Variants in PDE4D observed in about 807,000 individuals in gnomAD.
PDE4D encodes phosphodiesterase 4D.
PDE4D carries 24 observed loss-of-function variants against 87.4 expected under a neutral mutation model. The observed-to-expected ratio is 0.27, with a 90% CI of 0.20 to 0.39. The LOEUF is 0.39. PDE4D is among the 10% of genes least tolerant of loss of function. The pLI, the probability that PDE4D is intolerant of heterozygous loss-of-function variation, is 1.00. For missense variants in PDE4D, 714 were observed against 1,041.0 expected, an observed-to-expected ratio of 0.69 and a Z score of 4.32; for synonymous variants, 384 against 383.2, an observed-to-expected ratio of 1.00 and a Z score of -0.02.
intron 1 of PDE4D, chr5:59,586,323 A>G: frequency 6.3e-7 from 1 of 1,588,838 alleles, no homozygotes; most frequent in South Asian, 1.1e-5. Context: ...AATATTGATT[A>G]CTCACCATAT....
At chr5:59,440,311 A>G (rs564985020) in intron 1 of PDE4D, among the ~76,000 whole-genome samples, 14 of 152,340 alleles carry the variant, frequency 9.2e-5, no homozygotes, top group African/African-American at 3.1e-4. Context: ...AGACCTTACT[A>G]ACTACCTTAA....
At chr5:59,665,048 GT>G (rs1419338007) in intron 1 of PDE4D, among the ~76,000 whole-genome samples, 1 of 152,104 alleles carries the variant, frequency 6.6e-6, no homozygotes, top group Admixed American at 6.5e-5. Flanking sequence ...GTAGTGACAT[GT>G]CCCCCTGAAA....
At position 59,069,512 on chromosome 5, in the gene PDE4D, CT is replaced by C. The variant is rs61429511; in HGVS notation, c.809-30542del. Among the ~76,000 whole-genome samples the C allele has an allele frequency of 2.5e-3, 360 of 142,442 alleles. 3 individuals carry two copies. Among genetic ancestry groups the C allele is most frequent in the African/African-American group, 5.6e-3 (215 of 38,732 alleles). 93.4% of individuals were successfully genotyped at this position (142,442 alleles called of 152,430 possible). A position where few individuals can be genotyped will look rare whatever the true frequency, so the allele number is the denominator to read the frequency against. On this transcript the variant is annotated intron_variant, in intron 5 of 14. Transcript: ENST00000340635. ...GTAGACTCTCTTATGGAACAAGAAGCTTTTTTTTTTTTTTCCCTAATCCCGT... is the reference window on the plus strand; with the variant it reads ...GTAGACTCTCTTATGGAACAAGAAGCTTTTTTTTTTTTTCCCTAATCCCGT...
intron 1 of PDE4D, among the ~76,000 whole-genome samples, chr5:59,582,971 G>A (rs1356151211): frequency 1.3e-5 from 2 of 152,064 alleles, no homozygotes; most frequent in African/African-American, 4.8e-5. Context: ...GCCCTCCATG[G>A]CAGCATTCCA....
chr5:59,102,314 G>A (rs767987456), intron 5 of PDE4D, among the ~76,000 whole-genome samples: 7 of 151,874 alleles, frequency 4.6e-5, no homozygotes, highest in Admixed American at 2.0e-4. Context: ...TCAAACTCCC[G>A]ACCTCAGGTG....
Position 60,293,530 on chromosome 5 carries a change from CA to C in PDE4D, c.-89-107844del, listed in dbSNP as rs560874156. 2.2e-4 allele frequency among the ~76,000 whole-genome samples: 33 copies of C among 151,654 alleles called. No homozygotes were observed. The South Asian group carries it at 6.0e-3, about 28-fold the overall frequency. On this transcript the variant is annotated intron_variant, in intron 1 of 16. Transcript: ENST00000502484. ...CTCTGTCTCAAAACAAACAAACAAA[CA>C]AAAAAAAGATGTAACCCACATCCTT...
intron 2 of PDE4D, among the ~76,000 whole-genome samples, chr5:60,139,580 A>G (rs1403933549): frequency 3.3e-5 from 5 of 152,100 alleles, no homozygotes; most frequent in African/African-American, 1.2e-4. Flanking sequence ...AGCCAACGAG[A>G]GAATAACTCA....
At chr5:59,185,841 G>A (rs547581605) in intron 3 of PDE4D, among the ~76,000 whole-genome samples, 2 of 152,198 alleles carry the variant, frequency 1.3e-5, no homozygotes, top group African/African-American at 2.4e-5. Context: ...AAAATGCTAC[G>A]CCCTGTACAT....
intron 1 of PDE4D, among the ~76,000 whole-genome samples, chr5:60,303,422 C>T (rs1296918648): frequency 6.6e-6 from 1 of 151,418 alleles, no homozygotes; most frequent in Non-Finnish European, 1.5e-5. Flanking sequence ...CATTCTCCTG[C>T]CTCAGCCTCC....
intron 1 of PDE4D, among the ~76,000 whole-genome samples, chr5:59,681,830 G>A (rs1440008554): frequency 6.6e-6 from 1 of 151,054 alleles, no homozygotes; most frequent in Admixed American, 6.6e-5. Context: ...GAACCCGGGA[G>A]GTGGAGGTTG....
At chr5:59,849,923 T>C (rs1744422770) in intron 1 of PDE4D, among the ~76,000 whole-genome samples, 1 of 152,036 alleles carries the variant, frequency 6.6e-6, no homozygotes, top group Admixed American at 6.6e-5. Context: ...CTGGGTACTA[T>C]ACATATGGGC....
rs143602458 is a variant in PDE4D, at chr5:59,922,042, G to A, written c.272+66446C>T. The stretch of plus-strand genomic sequence containing the variant: ...CAGAGAGTGAATCTTTGTGCTCGGG[G>A]GAGGGAGAGTGCAGCGACTGGGGGA... On this transcript the variant is annotated intron_variant, in intron 3 of 16. Coordinates refer to the PDE4D transcript ENST00000502484. 5.9e-3 allele frequency among the ~76,000 whole-genome samples: 895 copies of A among 152,246 alleles called. 5 individuals are homozygous for A. Among genetic ancestry groups the A allele is most frequent in the Non-Finnish European group, 0.01 (686 of 68,012 alleles).
intron 1 of PDE4D, among the ~76,000 whole-genome samples, chr5:59,532,398 A>G (rs1404740019): frequency 1.3e-5 from 2 of 152,138 alleles, no homozygotes; most frequent in East Asian, 3.9e-4. Context: ...TCAGCCTCCC[A>G]AAGTGTTGAG....
chr5:59,499,932 C>A (rs151310809), intron 1 of PDE4D, among the ~76,000 whole-genome samples: 13 of 151,638 alleles, frequency 8.6e-5, no homozygotes, highest in African/African-American at 3.1e-4. Context: ...AAACCAGTAT[C>A]TTTCTGATAC....
At chr5:59,639,936 CTT>C (rs111495519) in intron 1 of PDE4D, among the ~76,000 whole-genome samples, 2 of 128,016 alleles carry the variant, frequency 1.6e-5, no homozygotes, top group South Asian at 2.5e-4. Context: ...TGTAACAGTT[CTT>C]TTTTTTTTTT....
At chr5:59,500,849 T>A (rs1443785599) in intron 1 of PDE4D, among the ~76,000 whole-genome samples, 1 of 152,208 alleles carries the variant, frequency 6.6e-6, no homozygotes, top group East Asian at 1.9e-4. Flanking sequence ...GTTCATAAAC[T>A]CTAACCCTTT....
intron 1 of PDE4D, among the ~76,000 whole-genome samples, chr5:59,349,639 T>C (rs1397174540): frequency 1.3e-5 from 2 of 152,138 alleles, no homozygotes; most frequent in Admixed American, 6.6e-5. Flanking sequence ...CTATTACCCA[T>C]TCAAAAATGG....
At chr5:59,167,615 T>C (rs1238229508) in intron 5 of PDE4D, among the ~76,000 whole-genome samples, 1 of 152,222 alleles carries the variant, frequency 6.6e-6, no homozygotes, top group Non-Finnish European at 1.5e-5. Context: ...CTTAGCTCTT[T>C]AGAAAAACAA....
intron 1 of PDE4D, among the ~76,000 whole-genome samples, chr5:59,361,288 A>T (rs1156659912): frequency 1.3e-5 from 2 of 152,298 alleles, no homozygotes; most frequent in East Asian, 3.9e-4. Flanking sequence ...TAACTATTCA[A>T]AAAATATTTC....
Sources: allele counts gnomAD v4.1 joint callset (sites outside exome capture counted in the v4.1 genomes callset), GRCh38; gene constraint gnomAD v4.1.1; transcripts MANE v1.5; gene names NCBI Gene and HGNC (gene_info 2026-07-23, HGNC 2026-07-21).